The following EEF2KMT variants were observed in gnomAD, a reference collection of about 807,000 sequenced individuals.
The protein encoded by EEF2KMT is protein-lysine N-methyltransferase EEF2KMT.
In EEF2KMT, 30 loss-of-function variants were observed where a neutral mutation model predicts 35.1. That is an observed-to-expected ratio of 0.85 (90% CI 0.64 to 1.16). EEF2KMT has a LOEUF of 1.16. Ranked by LOEUF, EEF2KMT falls within the 50% of genes most tolerant of loss-of-function variation. The probability of loss-of-function intolerance (pLI) is 0.00; values close to 1 mark genes in which losing one functional copy is unlikely to be tolerated. For synonymous variants in EEF2KMT, 190 were observed against 187.7 expected (o/e 1.01, Z -0.10); for missense variants, 499 against 438.2 (o/e 1.14, Z -1.24).
chr16:5,092,573 A>G lies in EEF2KMT; in HGVS notation c.241-678T>C, dbSNP rs138367418. 4.1e-3 allele frequency among the ~76,000 whole-genome samples: 619 copies of G among 152,292 alleles called. 5 individuals carry two copies. The highest frequency in any genetic ancestry group is 0.014 in the African/African-American group (589 of 41,558). ...AAGCAGGGGATTGTTTATTTGCTAA[A>G]AGTGTGGCTCTTTCACTCAGCAGGT... On this transcript the variant is annotated intron_variant, in intron 3 of 7. Transcript: ENST00000427587.
intron 4 of EEF2KMT, among the ~76,000 whole-genome samples, chr16:5,091,186 A>T (rs1309597967): frequency 6.6e-6 from 1 of 152,066 alleles, no homozygotes; most frequent in African/African-American, 2.4e-5. Flanking sequence ...GGTTGAAGAG[A>T]TTCTCCTGCC....
intron 4 of EEF2KMT, among the ~76,000 whole-genome samples, chr16:5,091,039 C>T (rs1281342272): frequency 2.0e-5 from 3 of 152,178 alleles, no homozygotes; most frequent in Non-Finnish European, 4.4e-5. Context: ...CTCAGCCGCC[C>T]AGGTAGCTGC....
chr16:5,091,006 C>G (rs1957330549), intron 4 of EEF2KMT, among the ~76,000 whole-genome samples: 1 of 152,318 alleles, frequency 6.6e-6, no homozygotes, highest in Non-Finnish European at 1.5e-5. Flanking sequence ...CCTCTGCCTC[C>G]TGGGTTCAAG....
chr16:5,092,448 C>G (rs1030662279), intron 3 of EEF2KMT, among the ~76,000 whole-genome samples: 1 of 152,214 alleles, frequency 6.6e-6, no homozygotes. Flanking sequence ...GCAGAGTACA[C>G]TGGGTGACTG....
Position 5,085,135 on chromosome 16 carries a change from T to C in EEF2KMT, c.*497A>G. On this transcript the variant is annotated 3_prime_UTR_variant, in exon 8 of 8. Transcript: ENST00000427587. ...CACGCCCCATGCCCCTGCTAGCGTA[T>C]TACTGTTCTGTGACTTCCCTGTGAC... The C allele has an allele frequency of 1.5e-6, 1 of 661,408 alleles. No homozygotes were observed. Among genetic ancestry groups the C allele is most frequent in the Non-Finnish European group, 2.5e-6 (1 of 394,022 alleles). The allele number at this position is 661,408 out of a possible 1,614,324, so 41.0% of individuals were successfully genotyped here.
intron 3 of EEF2KMT, among the ~76,000 whole-genome samples, chr16:5,092,168 G>C (rs1017164162): frequency 1.3e-5 from 2 of 152,196 alleles, no homozygotes; most frequent in Non-Finnish European, 2.9e-5. Flanking sequence ...AATTCACTTG[G>C]TAGGGAAACC....
At chr16:5,095,865 C>A (rs560928733) in intron 1 of EEF2KMT, among the ~76,000 whole-genome samples, 2 of 116,996 alleles carry the variant, frequency 1.7e-5, no homozygotes, top group Admixed American at 1.9e-4. Flanking sequence ...TGTGCCCATA[C>A]CAGCCTGAGT....
rs1437016544 is a variant in EEF2KMT, at chr16:5,090,330, T to C, written c.496A>G (p.Ser166Gly). ...GCCAGGCCTGTGAGGCCAGCACCAC[T>C]GCCAAGCTCTAGGACAGTCCTGGCG... Reference protein sequence around the residue: ...FTNRTVLELGSGAGLTGLAIC... With the variant: ...FTNRTVLELGGGAGLTGLAIC... The change falls in exon 6 of 8, where the codon AGT becomes GGT. Residue 166 changes from serine (S) to glycine (G), a missense_variant. Ser to Gly is a moderately conservative substitution (Grantham distance 56). Transcript: ENST00000427587. The surrounding 1 kb of genome is among the most constrained non-coding windows in gnomAD (Gnocchi z 4.1). 6.2e-7 allele frequency: 1 copy of C among 1,612,064 alleles called. No homozygotes were observed.
In EEF2KMT at chr16:5,095,476, C is replaced by G. The variant is rs1333724481; in HGVS notation, c.135G>C (p.Glu45Asp). 1.9e-6 allele frequency: 3 copies of G among 1,611,736 alleles called. No individual in the cohort carries two copies. Among genetic ancestry groups the G allele is most frequent in the Non-Finnish European group, 2.5e-6 (3 of 1,179,650 alleles). Residue 45 changes from glutamate to aspartate, a missense_variant, in exon 2 of 8, where the codon GAG becomes GAC. By Grantham distance (45) the Glu-to-Asp change is conservative (BLOSUM62 2). Transcript: ENST00000427587. Reference protein sequence around the residue: ...EAKLRDSSDSELLRDILHKTV... With the variant: ...EAKLRDSSDSDLLRDILHKTV... ...CCTTGTGCAAAATATCCCGCAGCAG[C>G]TCAGAATCTGATGAGTCTCTTAACT...
At chr16:5,095,572 G>T (rs564557608) in intron 1 of EEF2KMT, 58 bp from the exon 2 acceptor site, 5 of 1,607,118 alleles carry the variant, frequency 3.1e-6, no homozygotes, top group South Asian at 1.1e-5. Context: ...CATTAAACAC[G>T]CAATAGAATG....
At chr16:5,097,306 T>C in intron 1 of EEF2KMT, 2 of 1,357,420 alleles carry the variant, frequency 1.5e-6, no homozygotes, top group Non-Finnish European at 9.7e-7. Context: ...GCTGACTTTT[T>C]AGAATGGGCG....
rs1313205757 is a variant in EEF2KMT, at chr16:5,090,280, C to G, written c.546G>C (p.Arg182=). ...TGTGACAGTCGCTGAAGATGTATGC[C>G]CGGGGGCGGCACATCTTGCAGATGG... The part of the protein sequence containing the change: ...GLAICKMCRP[R]AYIFSDCHSR... The change falls in exon 6 of 8, where the codon CGG becomes CGC. Residue 182 remains arginine, a synonymous_variant. Coordinates refer to ENST00000427587, the MANE Select transcript of EEF2KMT (RefSeq NM_201400.4). This position sits in a 1 kb window ranked among gnomAD's most constrained non-coding sequence, Gnocchi z 4.1. 3 of 1,611,932 alleles carry G rather than the reference C, an allele frequency of 1.9e-6. No individual in the cohort carries two copies. The African/African-American group carries it at 4.0e-5, about 22-fold the overall frequency.
chr16:5,092,878 T>C (rs1181487963), intron 3 of EEF2KMT, among the ~76,000 whole-genome samples: 1 of 152,192 alleles, frequency 6.6e-6, no homozygotes, highest in Admixed American at 6.5e-5. Flanking sequence ...GACAGTTGCT[T>C]GAACCCAGGA....
Position 5,085,279 on chromosome 16 carries a change from G to A in EEF2KMT, c.*353C>T. 1 of 490,158 alleles carries A rather than the reference G, an allele frequency of 2.0e-6. No homozygotes were observed. Among genetic ancestry groups the A allele is most frequent in the Non-Finnish European group, 3.7e-6 (1 of 268,748 alleles). The allele number at this position is 490,158 out of a possible 1,614,324, so 30.4% of individuals were successfully genotyped here. On this transcript the variant is annotated 3_prime_UTR_variant, in exon 8 of 8. Transcript: ENST00000427587. The stretch of plus-strand genomic sequence containing the variant: ...GCTGCACCGTAAGCCCAGGGATGTG[G>A]CAGCTGCAGTGGGCTTGGCTTTGTG...
At chr16:5,089,465 GAA>G (rs900786643) in intron 6 of EEF2KMT, 7 of 713,582 alleles carry the variant, frequency 9.8e-6, no homozygotes, top group Non-Finnish European at 1.6e-5. Flanking sequence ...CGAAGCAAAA[GAA>G]AAAAATCTCC....
At chr16:5,093,203 A>G (rs1414741969) in intron 3 of EEF2KMT, among the ~76,000 whole-genome samples, 3 of 152,208 alleles carry the variant, frequency 2.0e-5, no homozygotes, top group Non-Finnish European at 2.9e-5. Flanking sequence ...GGGCTGGGCC[A>G]GCCTGGTAGG....
chr16:5,092,649 C>T (rs1241846216), intron 3 of EEF2KMT, among the ~76,000 whole-genome samples: 1 of 152,222 alleles, frequency 6.6e-6, no homozygotes, highest in Non-Finnish European at 1.5e-5. Context: ...TCAAACCCTG[C>T]ATGTTCGGGC....
intron 3 of EEF2KMT, 103 bp downstream of exon 3, chr16:5,093,381 G>C (rs1957382714): frequency 1.3e-6 from 2 of 1,569,394 alleles, no homozygotes; most frequent in Non-Finnish European, 1.7e-6. Flanking sequence ...CCCCTGCCAT[G>C]CTGGGGTTTG....
intron 3 of EEF2KMT, 108 bp downstream of exon 3, chr16:5,093,376 G>A (rs905760894): frequency 1.9e-6 from 3 of 1,556,692 alleles, no homozygotes; most frequent in African/African-American, 2.7e-5. Flanking sequence ...GGAGGCCCCT[G>A]CCATGCTGGG....
Sources: allele counts gnomAD v4.1 joint callset (sites outside exome capture counted in the v4.1 genomes callset), GRCh38; gene constraint gnomAD v4.1.1; non-coding constraint Gnocchi (gnomAD v3.1); transcripts MANE v1.5; gene names NCBI Gene and HGNC (gene_info 2026-07-23, HGNC 2026-07-21).